PPFIA3: variants seen among roughly 807,000 people sequenced by gnomAD.
The protein encoded by PPFIA3 is PPFI scaffold protein A3.
PPFIA3 carries 26 observed loss-of-function variants against 145.8 expected under a neutral mutation model. The ratio of observed to expected loss-of-function variants is 0.18; its 90% CI spans 0.13 to 0.25. The LOEUF (loss-of-function observed/expected upper bound fraction) is 0.25. Ranked by LOEUF, PPFIA3 falls within the 10% of genes least tolerant of loss-of-function variation. PPFIA3 has a pLI of 1.00. For synonymous variants in PPFIA3, 645 were observed against 661.4 expected, an observed-to-expected ratio of 0.98 and a Z score of 0.38; for missense variants, 1,008 against 1,587.8, an observed-to-expected ratio of 0.63 and a Z score of 6.21.
chr19:49,144,543 ATC>A, intron 21 of PPFIA3, among the ~76,000 whole-genome samples: 1 of 152,046 alleles, frequency 6.6e-6, no homozygotes. Flanking sequence ...GCAAAACCCC[ATC>A]TCTACTAAAA....
chr19:49,129,890 C>T, intron 5 of PPFIA3, 103 bp from the exon 6 acceptor site: 1 of 1,254,044 alleles, frequency 8.0e-7, no homozygotes, highest in East Asian at 2.3e-5. Context: ...CCGGAGGCAT[C>T]TCATATGGGG....
chr19:49,150,210 T>C (rs2041331037), intron 29 of PPFIA3, 26 bp from the exon 30 acceptor site: 2 of 1,420,030 alleles, frequency 1.4e-6, no homozygotes, highest in African/African-American at 1.4e-5. Context: ...TCTTCACTGC[T>C]CCACGCGCTG....
chr19:49,126,379 G>T (rs993592672), intron 1 of PPFIA3, among the ~76,000 whole-genome samples: 4 of 152,060 alleles, frequency 2.6e-5, no homozygotes, highest in African/African-American at 9.7e-5. Context: ...CTCCCCAGTG[G>T]CTGGGACTAC....
At chr19:49,144,022 C>T (rs1458848997) in intron 21 of PPFIA3, among the ~76,000 whole-genome samples, 1 of 81,804 alleles carries the variant, frequency 1.2e-5, no homozygotes, top group Non-Finnish European at 2.3e-5. Flanking sequence ...TTTATTTTTT[C>T]GAGATGGGAG....
At chr19:49,142,668 C>T (rs1968621805) in intron 20 of PPFIA3, 136 bp from the exon 21 acceptor site, 1 of 526,288 alleles carries the variant, frequency 1.9e-6, no homozygotes, top group South Asian at 1.8e-5. Flanking sequence ...CCTGTTTCTT[C>T]TCCTTGCGAA....
At chr19:49,131,870 C>T (rs1415629053) in intron 7 of PPFIA3, among the ~76,000 whole-genome samples, 5 of 151,804 alleles carry the variant, frequency 3.3e-5, no homozygotes, top group East Asian at 3.9e-4. Context: ...ATTAGCCGGG[C>T]GTGATGTCGG....
chr19:49,129,629 G>T (rs945304837), intron 5 of PPFIA3, among the ~76,000 whole-genome samples, 175 bp downstream of exon 5: 1 of 152,216 alleles, frequency 6.6e-6, no homozygotes, highest in Non-Finnish European at 1.5e-5. Flanking sequence ...AAGTGGGCAC[G>T]CATTGCGCAG....
Position 49,141,990 on chromosome 19 carries a change from C to G in PPFIA3, c.2463-44C>G, listed in dbSNP as rs766326960. On this transcript the variant is annotated intron_variant, in intron 19 of 29. Coordinates refer to ENST00000334186, the MANE Select transcript of PPFIA3 (RefSeq NM_003660.4). ...GGGGGCCATCCACAGAGCAGGGGGT[C>G]TCCATCCCTGACAGCTTCTATCCTG... 40 of 1,499,904 alleles carry G rather than the reference C, an allele frequency of 2.7e-5. No individual in the cohort carries two copies. In the African/African-American group the frequency reaches 5.0e-4, roughly 19 times the overall value. The allele number at this position is 1,499,904 out of a possible 1,614,324, so 92.9% of individuals were successfully genotyped here.
rs530689045 is a variant in PPFIA3, at chr19:49,148,888, G to A, written c.3110-105G>A. On this transcript the variant is annotated intron_variant, in intron 25 of 29. Coordinates refer to ENST00000334186, the MANE Select transcript of PPFIA3 (RefSeq NM_003660.4). ...CCATAACCGTGGGGGTGGAGCCAGC[G>A]TGGGGGGCGTGGCCCGAAGAGACCA... The A allele has an allele frequency of 3.2e-6, 5 of 1,565,726 alleles. No individual in the cohort carries two copies. The South Asian group carries it at 5.7e-5, about 18-fold the overall frequency.
At chr19:49,148,956 C>A in intron 25 of PPFIA3, 37 bp from the exon 26 acceptor site, 1 of 1,606,352 alleles carries the variant, frequency 6.2e-7, no homozygotes. Flanking sequence ...CTCCAGGCCA[C>A]GGGAGGGGCA....
At chr19:49,138,730 G>A (rs536182905) in intron 16 of PPFIA3, among the ~76,000 whole-genome samples, 68 of 152,182 alleles carry the variant, frequency 4.5e-4, no homozygotes, top group Non-Finnish European at 9.3e-4. Context: ...AGCACTTCGG[G>A]AGGCCAAGGT....
rs1336409574 is a variant in PPFIA3 at position 49,148,237 on chromosome 19, A to G, written c.2990A>G (p.Lys997Arg). 2.5e-6 allele frequency: 4 copies of G among 1,613,942 alleles called. No individual in the cohort carries two copies. The African/African-American group carries it at 4.0e-5, about 16-fold the overall frequency. Residue 997 changes from lysine to arginine, a missense_variant, in exon 24 of 30, where the codon AAG becomes AGG. By Grantham distance (26) the Lys-to-Arg change is conservative. This residue lies in a region of PPFIA3 where 154 missense variants were observed against 369.2 expected (regional missense o/e 0.42). Transcript: ENST00000334186. Reference protein sequence around the residue: ...LNKKELRGQLKMVDSFHRVSL... With the variant: ...LNKKELRGQLRMVDSFHRVSL... ...AAGAAGGAGCTCCGGGGCCAACTCA[A>G]GATGGTGGACAGCTTTCACAGGTGG...
Position 49,128,543 on chromosome 19 carries a change from G to T in PPFIA3, c.342+75G>T, listed in dbSNP as rs2041032368. 1 of 1,337,392 alleles carries T rather than the reference G, an allele frequency of 7.5e-7. No individual in the cohort carries two copies. 82.8% of individuals were successfully genotyped at this position (1,337,392 alleles called of 1,614,324 possible). A position where few individuals can be genotyped will look rare whatever the true frequency, so the allele number is the denominator to read the frequency against. On this transcript the variant is annotated intron_variant, in intron 3 of 29. Transcript: ENST00000334186. The surrounding 1 kb of genome is among the most constrained non-coding windows in gnomAD (Gnocchi z 4.1). ...TTGAAGTGGGGGGCGGGGCCTCTCA[G>T]TGTTGCAGCGTGACCTATTTTTTTC...
In PPFIA3 at chr19:49,135,421, A is replaced by T. The variant is rs549648160; in HGVS notation, c.1521-358A>T. 2.0e-5 allele frequency among the ~76,000 whole-genome samples: 3 copies of T among 151,768 alleles called. No individual in the cohort carries two copies. In the East Asian group the frequency reaches 5.9e-4, roughly 30 times the overall value. On this transcript the variant is annotated intron_variant, in intron 13 of 29. Transcript: ENST00000334186. ...AGAGTCTCACTCTGCTGCCTGGGCT[A>T]GAGTGCAGTGGCATGATCTCAGCTC... is the stretch of plus-strand genomic sequence containing the variant.
At chr19:49,148,306 C>A in intron 24 of PPFIA3, 48 bp downstream of exon 24, 1 of 1,567,610 alleles carries the variant, frequency 6.4e-7, no homozygotes, top group Non-Finnish European at 8.7e-7. Context: ...AAGCCCCACC[C>A]CAGAGAGTCT....
intron 13 of PPFIA3, 48 bp downstream of exon 13, chr19:49,134,963 C>A: frequency 1.4e-6 from 2 of 1,458,858 alleles, no homozygotes; most frequent in Non-Finnish European, 1.8e-6. Flanking sequence ...CCCCGTTGGC[C>A]AAGCGCCAAG....
intron 7 of PPFIA3, among the ~76,000 whole-genome samples, chr19:49,131,263 G>C (rs1205275026): frequency 6.8e-6 from 1 of 146,444 alleles, no homozygotes; most frequent in Non-Finnish European, 1.5e-5. Context: ...CTGCCTCCCA[G>C]GTTCAAGCGA....
rs772359368 is a variant in PPFIA3, at chr19:49,130,434, G to C, written c.714G>C (p.Leu238=). ...ATTCCAACCGGCGCACAGCAGAGCT[G>C]GAGGAGGCCCTGGAGCGGCAGCGCG... ...GGDSNRRTAE[L]EEALERQRAE... is the part of the protein sequence containing the mutation. The change falls in exon 7 of 30, where the codon CTG becomes CTC. Residue 238 remains leucine (L), a synonymous_variant. Coordinates refer to ENST00000334186, the MANE Select transcript of PPFIA3 (RefSeq NM_003660.4). The surrounding 1 kb of genome is among the most constrained non-coding windows in gnomAD (Gnocchi z 4.5). 1.9e-6 allele frequency: 3 copies of C among 1,611,036 alleles called. No individual in the cohort carries two copies. The Admixed American group carries it at 5.0e-5, about 27-fold the overall frequency.
intron 21 of PPFIA3, among the ~76,000 whole-genome samples, chr19:49,144,079 C>T (rs2041254738): frequency 6.6e-6 from 1 of 151,910 alleles, no homozygotes; most frequent in Non-Finnish European, 1.5e-5. Flanking sequence ...GACCTCGACT[C>T]ACTGCAACCT....
Sources: gnomAD v4.1 joint callset for allele counts (sites outside exome capture counted in the v4.1 genomes callset) on GRCh38, gnomAD v4.1.1 for gene constraint, gnomAD v4.1.1 regional missense constraint, Gnocchi (gnomAD v3.1) non-coding constraint, MANE v1.5 for transcripts, NCBI Gene and HGNC (gene_info 2026-07-23, HGNC 2026-07-21) for gene names.